Variants in CPNE8 observed in about 807,000 individuals in gnomAD.
CPNE8 encodes copine 8.
In CPNE8, 45 loss-of-function variants were observed where a neutral mutation model predicts 81.5. The ratio of observed to expected loss-of-function variants is 0.55; its 90% CI spans 0.44 to 0.71. The LOEUF is 0.71. Among genes scored for constraint, CPNE8 ranks in the 30% least tolerant of loss-of-function variants. The pLI is 0.00. For synonymous variants in CPNE8, 252 were observed against 226.3 expected (o/e 1.11, Z -1.02); for missense variants, 594 against 672.1 (o/e 0.88, Z 1.28).
intron 13 of CPNE8, among the ~76,000 whole-genome samples, chr12:38,712,499 C>T (rs1418464172): frequency 6.6e-6 from 1 of 152,148 alleles, no homozygotes; most frequent in Non-Finnish European, 1.5e-5. Context: ...AGGTGTGAAC[C>T]ACCATGCCCA....
intron 5 of CPNE8, among the ~76,000 whole-genome samples, chr12:38,830,291 TTTTAA>T (rs968872549): frequency 1.6e-4 from 24 of 152,100 alleles, no homozygotes; most frequent in African/African-American, 2.9e-4. Context: ...TCACAAAAAT[TTTTAA>T]TTTAATTTAA....
At chr12:38,832,399 T>G (rs1943301950) in intron 5 of CPNE8, among the ~76,000 whole-genome samples, 1 of 152,176 alleles carries the variant, frequency 6.6e-6, no homozygotes, top group Non-Finnish European at 1.5e-5. Flanking sequence ...TTAGCTAAAC[T>G]GGGACTGCTG....
chr12:38,665,100 A>T (rs1405839664), intron 19 of CPNE8, among the ~76,000 whole-genome samples: 1 of 152,106 alleles, frequency 6.6e-6, no homozygotes, highest in Admixed American at 6.6e-5. Flanking sequence ...AAATCTTAAA[A>T]TTTTCATGAC....
intron 14 of CPNE8, among the ~76,000 whole-genome samples, chr12:38,695,317 G>C (rs1939769051): frequency 6.6e-6 from 1 of 152,192 alleles, no homozygotes; most frequent in Non-Finnish European, 1.5e-5. Context: ...TCCGTGAGAA[G>C]ATAGAAGCCT....
intron 6 of CPNE8, among the ~76,000 whole-genome samples, chr12:38,788,067 T>C (rs1051358815): frequency 1.6e-4 from 23 of 145,592 alleles, no homozygotes; most frequent in African/African-American, 5.8e-4. Context: ...TTATTCGAAA[T>C]ATTTTTAAAA....
intron 15 of CPNE8, among the ~76,000 whole-genome samples, chr12:38,691,943 G>A (rs145287334): frequency 0.014 from 2,106 of 152,228 alleles, 20 homozygotes; most frequent in Non-Finnish European, 0.023. Context: ...ACTCTGGAGA[G>A]GACAGACTGA....
rs150718495 is a variant in CPNE8, at chr12:38,717,145, T to C, written c.914+6627A>G. ...TTAAAAAGTCAAAAAACAATAGATG[T>C]TAGCATGGATGTGGTGAAAAAGGAA... On this transcript the variant is annotated intron_variant, in intron 13 of 19. Transcript: ENST00000331366. Among the ~76,000 whole-genome samples the C allele has an allele frequency of 7.4e-3, 1,118 of 151,866 alleles. 11 individuals are homozygous for C. The highest frequency in any genetic ancestry group is 0.021 in the African/African-American group (857 of 41,472).
At chr12:38,738,838 G>A (rs1476898069) in intron 10 of CPNE8, among the ~76,000 whole-genome samples, 1 of 133,018 alleles carries the variant, frequency 7.5e-6, no homozygotes, top group South Asian at 2.3e-4. Flanking sequence ...TTTTGAGACA[G>A]GGTCTTGCTC....
At chr12:38,727,089 A>G (rs1940719281) in intron 11 of CPNE8, among the ~76,000 whole-genome samples, 2 of 152,216 alleles carry the variant, frequency 1.3e-5, no homozygotes, top group South Asian at 2.1e-4. Flanking sequence ...TTGCTTGTCC[A>G]TAAAGACAAT....
Position 38,717,429 on chromosome 12 carries a change from G to GTGTA in CPNE8, c.914+6342_914+6343insTACA, listed in dbSNP as rs770984926. Reference sequence around the variant, plus strand: ...AACAAGTAAACAAAGAAAGTGTGGTGTATATATATATATATATATATATAT... The same window carrying GTGTA: ...AACAAGTAAACAAAGAAAGTGTGGTGTGTATATATATATATATATATATATATAT... On this transcript the variant is annotated intron_variant, in intron 13 of 19. Transcript: ENST00000331366. Among the ~76,000 whole-genome samples, 72 of 87,030 alleles carry GTGTA rather than the reference G, an allele frequency of 8.3e-4. 1 individual carries two copies. In the East Asian group the frequency reaches 8.7e-3, roughly 10 times the overall value. 57.1% of individuals were successfully genotyped at this position (87,030 alleles called of 152,430 possible). A position where few individuals can be genotyped will look rare whatever the true frequency, so the allele number is the denominator to read the frequency against.
intron 5 of CPNE8, among the ~76,000 whole-genome samples, chr12:38,830,731 GTTCTCA>G (rs1943272859): frequency 6.6e-6 from 1 of 152,170 alleles, no homozygotes; most frequent in Non-Finnish European, 1.5e-5. Flanking sequence ...AGAAATGACT[GTTCTCA>G]GATGAAAGAA....
chr12:38,756,868 T>G (rs1941472485), intron 10 of CPNE8, among the ~76,000 whole-genome samples: 1 of 152,192 alleles, frequency 6.6e-6, no homozygotes, highest in Non-Finnish European at 1.5e-5. Context: ...AATTGAGATG[T>G]GCTGTAAACA....
At chr12:38,820,650 T>C (rs149022503) in intron 6 of CPNE8, among the ~76,000 whole-genome samples, 17 of 152,328 alleles carry the variant, frequency 1.1e-4, no homozygotes, top group African/African-American at 4.1e-4. Context: ...CAAAATAATA[T>C]AGATCATGTC....
intron 19 of CPNE8, among the ~76,000 whole-genome samples, chr12:38,659,932 G>C (rs1340971502): frequency 6.6e-6 from 1 of 152,106 alleles, no homozygotes; most frequent in Admixed American, 6.5e-5. Context: ...TCTTCAAGGA[G>C]AACTACAAAC....
chr12:38,666,773 C>T (rs73269131), intron 19 of CPNE8, among the ~76,000 whole-genome samples: 14,805 of 152,118 alleles, frequency 0.097, 910 homozygotes, highest in East Asian at 0.24. Flanking sequence ...CAAAATTATA[C>T]AGAATACATG....
intron 10 of CPNE8, among the ~76,000 whole-genome samples, chr12:38,737,666 CAT>C (rs974729373): frequency 9.2e-5 from 14 of 152,230 alleles, no homozygotes; most frequent in East Asian, 1.9e-4. Flanking sequence ...ATCACTACCA[CAT>C]GTCATTGAAA....
At chr12:38,815,137 T>C (rs777299422) in intron 6 of CPNE8, among the ~76,000 whole-genome samples, 4 of 152,200 alleles carry the variant, frequency 2.6e-5, no homozygotes, top group Non-Finnish European at 4.4e-5. Flanking sequence ...TGCAGGATCC[T>C]ACTACAGAGC....
At chr12:38,700,206 A>G (rs1436898429) in intron 14 of CPNE8, among the ~76,000 whole-genome samples, 1 of 150,566 alleles carries the variant, frequency 6.6e-6, no homozygotes, top group Non-Finnish European at 1.5e-5. Flanking sequence ...TGGACTTTAC[A>G]TAGATTCCCT....
At chr12:38,670,910 A>G (rs776413585) in intron 18 of CPNE8, 108 bp from the exon 19 acceptor site, 1 of 700,094 alleles carries the variant, frequency 1.4e-6, no homozygotes, top group Admixed American at 2.7e-5. Flanking sequence ...GTGCTATGAA[A>G]AGACAGAAAG....
Sources: allele counts gnomAD v4.1 joint callset (sites outside exome capture counted in the v4.1 genomes callset), GRCh38; gene constraint gnomAD v4.1.1; transcripts MANE v1.5; gene names NCBI Gene and HGNC (gene_info 2026-07-23, HGNC 2026-07-21).